The following ABCA1 variants were observed in gnomAD, a reference collection of about 807,000 sequenced individuals.
ABCA1 encodes phospholipid-transporting ATPase ABCA1.
In ABCA1, 133 loss-of-function variants were observed where a neutral mutation model predicts 262.5. The observed-to-expected ratio is 0.51, with a 90% confidence interval of 0.44 to 0.59. The LOEUF (loss-of-function observed/expected upper bound fraction) is 0.59, where lower values mean the gene tolerates loss of function less well. ABCA1 is among the 20% of genes least tolerant of loss of function. The pLI, the probability that ABCA1 is intolerant of heterozygous loss-of-function variation, is 0.00. For synonymous variants in ABCA1, 1,022 were observed against 1,043.5 expected, an observed-to-expected ratio of 0.98 and a Z score of 0.40; for missense variants, 2,452 against 2,777.5, an observed-to-expected ratio of 0.88 and a Z score of 2.63.
intron 5 of ABCA1, among the ~76,000 whole-genome samples, chr9:104,866,606 C>T (rs1053778319): frequency 2.6e-5 from 4 of 152,034 alleles, no homozygotes; most frequent in African/African-American, 9.7e-5. Flanking sequence ...CTCAGCCTCC[C>T]GAGTTGTTGG....
intron 7 of ABCA1, among the ~76,000 whole-genome samples, chr9:104,852,267 A>C (rs1226407605): frequency 2.6e-5 from 4 of 152,232 alleles, no homozygotes; most frequent in Non-Finnish European, 4.4e-5. Context: ...AGTAATTGCT[A>C]TCTCTTTCTG....
chr9:104,804,593 A>G (rs891318800), intron 32 of ABCA1, 33 bp downstream of exon 32: 1 of 1,551,698 alleles, frequency 6.4e-7, no homozygotes, highest in African/African-American at 1.4e-5. Context: ...ATTAGTAATA[A>G]TACGGCAGGG....
At chr9:104,889,610 A>T (rs1839533345) in intron 2 of ABCA1, 1 of 153,134 alleles carries the variant, frequency 6.5e-6, no homozygotes, top group Non-Finnish European at 1.5e-5. Flanking sequence ...CTTCCTCAGC[A>T]CATTGAGCAC....
chr9:104,892,085 C>G (rs1839805454), intron 2 of ABCA1, among the ~76,000 whole-genome samples: 1 of 149,662 alleles, frequency 6.7e-6, no homozygotes, highest in African/African-American at 2.5e-5. Context: ...ACACTGTTAC[C>G]ATAAAACTAT....
chr9:104,873,506 C>T (rs1837827076), intron 5 of ABCA1, among the ~76,000 whole-genome samples: 1 of 152,204 alleles, frequency 6.6e-6, no homozygotes, highest in Non-Finnish European at 1.5e-5. Flanking sequence ...TCCCAGCCAG[C>T]CCATGCCCCA....
chr9:104,890,186 T>A (rs73664372), intron 2 of ABCA1, among the ~76,000 whole-genome samples: 30 of 152,322 alleles, frequency 2.0e-4, no homozygotes, highest in African/African-American at 7.2e-4. Context: ...CACAGGGCCT[T>A]GTGTTTCAGA....
At position 104,812,725 on chromosome 9, in the gene ABCA1, G is replaced by A; in HGVS notation, c.3902-3C>T. ...GAGCAAGTCTGTCTCTCTGGATTCTGCAAGAAGCCAACACTGAAGGTCACC... is the reference window on the plus strand; with the variant it reads ...GAGCAAGTCTGTCTCTCTGGATTCTACAAGAAGCCAACACTGAAGGTCACC... On this transcript the variant is annotated splice_region_variant and splice_polypyrimidine_tract_variant and intron_variant, in intron 27 of 49. Transcript: ENST00000374736. 1 of 1,614,212 alleles carries A rather than the reference G, an allele frequency of 6.2e-7. No homozygotes were observed.
intron 2 of ABCA1, among the ~76,000 whole-genome samples, chr9:104,897,257 C>T (rs963543143): frequency 3.9e-5 from 6 of 152,062 alleles, no homozygotes; most frequent in Admixed American, 3.3e-4. Context: ...ACCAGGCCTG[C>T]CTTCCCTGAA....
At chr9:104,876,082 TAG>T (rs986019320) in intron 5 of ABCA1, among the ~76,000 whole-genome samples, 3 of 152,112 alleles carry the variant, frequency 2.0e-5, no homozygotes, top group Non-Finnish European at 4.4e-5. Context: ...CCATGTACAG[TAG>T]AGAGAGGCTA....
rs558475063 is a variant in ABCA1 at position 104,822,461 on chromosome 9, T to C, written c.2828+35A>G. 184 of 1,611,762 alleles carry C rather than the reference T, an allele frequency of 1.1e-4. 2 individuals carry two copies. In the South Asian group the frequency reaches 1.9e-3, roughly 16 times the overall value. On this transcript the variant is annotated intron_variant, in intron 19 of 49. Transcript: ENST00000374736. ...CTAACTCTACTGCAGAACCCTCCTG[T>C]GGCTGATTCTGCGGGAACCACACCC...
In ABCA1 at chr9:104,791,093, C is replaced by T. The variant is rs183505884; in HGVS notation, c.5821-65G>A. ...AACATGAATATAAATGCCCCTAACA[C>T]GTAACTACCTCAAACCTTCAATTCT... On this transcript the variant is annotated intron_variant, in intron 43 of 49. Transcript: ENST00000374736. 105 of 1,093,574 alleles carry T rather than the reference C, an allele frequency of 9.6e-5. No individual in the cohort carries two copies. In the East Asian group the frequency reaches 2.3e-3, roughly 24 times the overall value. 67.7% of individuals were successfully genotyped at this position (1,093,574 alleles called of 1,614,324 possible).
At chr9:104,926,927 C>T (rs1303659554) in intron 1 of ABCA1, among the ~76,000 whole-genome samples, 1 of 152,176 alleles carries the variant, frequency 6.6e-6, no homozygotes, top group Admixed American at 6.5e-5. Flanking sequence ...AGAAACAAAA[C>T]TCGGCCGCGC....
At chr9:104,891,725 C>T (rs145842792) in intron 2 of ABCA1, among the ~76,000 whole-genome samples, 1,725 of 147,208 alleles carry the variant, frequency 0.012, 35 homozygotes, top group African/African-American at 0.04. Flanking sequence ...CAGAACTTTG[C>T]GAGGCCAAGG....
intron 7 of ABCA1, among the ~76,000 whole-genome samples, chr9:104,852,256 G>C (rs1434292973): frequency 6.6e-6 from 1 of 152,186 alleles, no homozygotes; most frequent in Non-Finnish European, 1.5e-5. Flanking sequence ...CACCACCCAG[G>C]AGTAATTGCT....
chr9:104,883,942 A>T (rs1838917271), intron 4 of ABCA1, among the ~76,000 whole-genome samples: 1 of 152,166 alleles, frequency 6.6e-6, no homozygotes, highest in African/African-American at 2.4e-5. Context: ...GGGAGCTCAC[A>T]CTCAGGGGAG....
intron 2 of ABCA1, among the ~76,000 whole-genome samples, chr9:104,893,149 G>A (rs147156284): frequency 3.9e-5 from 6 of 152,162 alleles, no homozygotes; most frequent in South Asian, 4.1e-4. Flanking sequence ...GAGGCCGGGC[G>A]TGGTGGCTCA....
At chr9:104,841,345 C>T (rs1253864417) in intron 8 of ABCA1, among the ~76,000 whole-genome samples, 1 of 151,904 alleles carries the variant, frequency 6.6e-6, no homozygotes, top group Non-Finnish European at 1.5e-5. Context: ...GAGGCTGAGG[C>T]AGGAGAATTG....
rs961315100 is a variant in ABCA1 at position 104,837,286 on chromosome 9, C to T, written c.1194+142G>A. Reference sequence around the variant, plus strand: ...GGGGAGCTGGCCCAGCTCTGGTCTGCATCAGACTTGAGGTTTTCACTCTGG... The same window carrying T: ...GGGGAGCTGGCCCAGCTCTGGTCTGTATCAGACTTGAGGTTTTCACTCTGG... On this transcript the variant is annotated intron_variant, in intron 10 of 49. Transcript: ENST00000374736. The T allele has an allele frequency of 8.1e-6, 10 of 1,237,468 alleles. No homozygotes were observed. In the African/African-American group the frequency reaches 1.2e-4, roughly 15 times the overall value. 76.7% of individuals were successfully genotyped at this position (1,237,468 alleles called of 1,614,324 possible).
intron 5 of ABCA1, among the ~76,000 whole-genome samples, chr9:104,870,934 T>C (rs932434504): frequency 1.4e-4 from 21 of 151,984 alleles, no homozygotes; most frequent in African/African-American, 4.8e-4. Context: ...ATCACTCAGT[T>C]AAGGTGGGGC....
Sources: allele counts gnomAD v4.1 joint callset (sites outside exome capture counted in the v4.1 genomes callset), GRCh38; gene constraint gnomAD v4.1.1; transcripts MANE v1.5; gene names NCBI Gene and HGNC (gene_info 2026-07-23, HGNC 2026-07-21).